The following AHNAK variants were observed in gnomAD, a reference collection of about 807,000 sequenced individuals.
AHNAK encodes AHNAK nucleoprotein, also known as neuroblast differentiation-associated protein AHNAK.
AHNAK carries 23 observed loss-of-function variants against 37.8 expected under a neutral mutation model. The observed-to-expected ratio is 0.61, with a 90% CI of 0.44 to 0.86. The LOEUF is 0.86. AHNAK is among the 40% of genes least tolerant of loss of function. The probability of loss-of-function intolerance (pLI) is 0.00; values close to 1 mark genes in which losing one functional copy is unlikely to be tolerated. For synonymous variants in AHNAK, 2,481 were observed against 2,636.3 expected, an observed-to-expected ratio of 0.94 and a Z score of 1.80; for missense variants, 7,411 against 7,319.4, an observed-to-expected ratio of 1.01 and a Z score of -0.46.
chr11:62,516,598 T>C lies in AHNAK; in HGVS notation c.*146A>G, dbSNP rs1590644199. 3 of 1,480,442 alleles carry C rather than the reference T, an allele frequency of 2.0e-6. No individual in the cohort carries two copies. Among genetic ancestry groups the C allele is most frequent in the Middle Eastern group, 2.2e-4 (1 of 4,516 alleles). 91.7% of individuals were successfully genotyped at this position (1,480,442 alleles called of 1,614,324 possible). A position where few individuals can be genotyped will look rare whatever the true frequency, so the allele number is the denominator to read the frequency against. ...CAGGAGCCTACAGGCGGTCGGTTTT[T>C]CAGCGCTTGCCACCGGGCCAGGCAA... On this transcript the variant is annotated 3_prime_UTR_variant, in exon 5 of 5. Transcript: ENST00000378024.
Position 62,454,938 on chromosome 11 carries a change from T to A in AHNAK, c.443-21047A>T, listed in dbSNP as rs796183887. ...TTTCTTTTTATTTATTTATTTTTTTTTTTTTTTTGAGATGGAGTTTTGCTC... is the reference window on the plus strand; with the variant it reads ...TTTCTTTTTATTTATTTATTTTTTTATTTTTTTTGAGATGGAGTTTTGCTC... On this transcript the variant is annotated intron_variant, in intron 5 of 5. Transcript: ENST00000257247. 1.3e-4 allele frequency among the ~76,000 whole-genome samples: 20 copies of A among 150,742 alleles called. 1 individual carries two copies. Among genetic ancestry groups the A allele is most frequent in the African/African-American group, 4.4e-4 (18 of 40,852 alleles).
chr11:62,461,466 T>C (rs570795007), intron 5 of AHNAK, among the ~76,000 whole-genome samples: 7 of 152,262 alleles, frequency 4.6e-5, no homozygotes, highest in Admixed American at 1.3e-4. Flanking sequence ...TTAAGTAAAT[T>C]AAGAAGAAAT....
chr11:62,459,154 C>T (rs753996444), intron 5 of AHNAK, among the ~76,000 whole-genome samples: 1 of 152,138 alleles, frequency 6.6e-6, no homozygotes, highest in Non-Finnish European at 1.5e-5. Flanking sequence ...AAGAGGGTCC[C>T]CAAAGCACTC....
In AHNAK at chr11:62,524,024, C is replaced by T; in HGVS notation, c.10393G>A (p.Val3465Ile). The part of the protein sequence containing the change: ...EVNLNAPDVD[V>I]HGPDWNLKMP... ...TTCAGATTCCAGTCTGGACCATGAA[C>T]ATCCACATCAGGTGCATTAAGATTG... The change falls in exon 5 of 5, where the codon GTT becomes ATT. Residue 3465 changes from valine (V) to isoleucine (I), a missense_variant. By Grantham distance (29) the Val-to-Ile change is conservative (BLOSUM62 3). Coordinates refer to ENST00000378024, the MANE Select transcript of AHNAK (RefSeq NM_001620.3). 1.2e-6 allele frequency: 2 copies of T among 1,614,098 alleles called. No individual in the cohort carries two copies. The highest frequency in any genetic ancestry group is 1.7e-6 in the Non-Finnish European group (2 of 1,180,008).
chr11:62,468,863 G>GAA, intron 5 of AHNAK, among the ~76,000 whole-genome samples: 1 of 152,272 alleles, frequency 6.6e-6, no homozygotes, highest in Non-Finnish European at 1.5e-5. Flanking sequence ...TTTGTTCTCT[G>GAA]TTTCTGCTTT....
intron 5 of AHNAK, among the ~76,000 whole-genome samples, chr11:62,438,490 A>G (rs1260904396): frequency 6.6e-6 from 1 of 151,582 alleles, no homozygotes; most frequent in African/African-American, 2.4e-5. Context: ...TCTTTTTCTC[A>G]TTTTTTTAAT....
chr11:62,497,488 A>G (rs1197062540), intron 4 of AHNAK, among the ~76,000 whole-genome samples: 1 of 152,230 alleles, frequency 6.6e-6, no homozygotes, highest in Admixed American at 6.5e-5. Context: ...ATACACAACC[A>G]TTCCTATCAA....
Position 62,449,478 on chromosome 11 carries a change from T to C in AHNAK, c.443-15587A>G, listed in dbSNP as rs1173868126. On this transcript the variant is annotated intron_variant, in intron 5 of 5. Transcript: ENST00000257247. ...GGATCAGGGTCACCCAGGCCTGAGC[T>C]GGAGAGGGGCCAGCGACCAAGAGAG... 7.9e-5 allele frequency among the ~76,000 whole-genome samples: 12 copies of C among 152,202 alleles called. 1 individual carries two copies. In the South Asian group the frequency reaches 2.1e-3, roughly 26 times the overall value.
chr11:62,437,650 C>A (rs112516030), intron 5 of AHNAK, among the ~76,000 whole-genome samples: 3 of 152,098 alleles, frequency 2.0e-5, no homozygotes, highest in African/African-American at 4.8e-5. Context: ...TGAACCACCA[C>A]GCCCAGCCCA....
rs139572473 is a variant in AHNAK at position 62,528,424 on chromosome 11, A to G, written c.5993T>C (p.Leu1998Pro). Residue 1998 changes from leucine to proline, a missense_variant, in exon 5 of 5, where the codon CTG becomes CCG. Leu to Pro is a moderately conservative substitution (Grantham distance 98). Transcript: ENST00000378024. ...ATCCCCTTTGACTTTGGGGCCTTTC[A>G]GGTGTAAGTCCACATCAGGCATGGA... ...KISMPDVDLH[L>P]KGPKVKGDMD... The G allele has an allele frequency of 1.9e-5, 31 of 1,613,336 alleles. No individual in the cohort carries two copies. Among genetic ancestry groups the G allele is most frequent in the Non-Finnish European group, 2.5e-5 (29 of 1,179,922 alleles).
intron 5 of AHNAK, among the ~76,000 whole-genome samples, chr11:62,483,455 G>A (rs932641561): frequency 6.6e-6 from 1 of 152,210 alleles, no homozygotes; most frequent in Non-Finnish European, 1.5e-5. Context: ...GGCCGGGCGC[G>A]GTGGCTCGCG....
rs1940348882 is a variant in AHNAK at position 62,523,490 on chromosome 11, G to GAACATCAACGTCTAC, written c.10912_10926dup (p.Val3638_Val3642dup). Reference sequence around the variant, plus strand: ...TCTGGACCTTCAATATTCACGTCTGGAACATCAACGTCTACATTGGGACCA... The same window carrying GAACATCAACGTCTAC: ...TCTGGACCTTCAATATTCACGTCTGGAACATCAACGTCTACAACATCAACGTCTACATTGGGACCA... On this transcript the variant is annotated inframe_insertion, in exon 5 of 5. Transcript: ENST00000378024. 6.2e-7 allele frequency: 1 copy of GAACATCAACGTCTAC among 1,613,754 alleles called. No homozygotes were observed.
chr11:62,510,081 G>A (rs572416701), intron 4 of AHNAK, among the ~76,000 whole-genome samples: 6 of 151,394 alleles, frequency 4.0e-5, no homozygotes, highest in African/African-American at 7.3e-5. Flanking sequence ...TGTTTGAGAC[G>A]GAGTCTCACT....
intron 5 of AHNAK, among the ~76,000 whole-genome samples, chr11:62,434,904 G>A (rs1475333697): frequency 7.6e-6 from 1 of 132,240 alleles, no homozygotes; most frequent in East Asian, 2.2e-4. Context: ...CTGCACTTCA[G>A]CCTGGACAAC....
In AHNAK at chr11:62,530,110, C is replaced by A. The variant is rs1940674696; in HGVS notation, c.4307G>T (p.Gly1436Val). 31 of 1,613,950 alleles carry A rather than the reference C, an allele frequency of 1.9e-5. No individual in the cohort carries two copies. Among genetic ancestry groups the A allele is most frequent in the Non-Finnish European group, 2.4e-5 (28 of 1,180,004 alleles). ...NIEGPDAKLKGPKFKMPEMSI... is the reference protein window; with the variant it reads ...NIEGPDAKLKVPKFKMPEMSI... ...CATTTCTGGCATCTTGAATTTGGGA[C>A]CTTTTAGTTTTGCGTCTGGACCTTC... Residue 1436 changes from glycine (G) to valine (V), a missense_variant, in exon 5 of 5, where the codon GGT becomes GTT. Coordinates refer to ENST00000378024, the MANE Select transcript of AHNAK (RefSeq NM_001620.3).
In AHNAK at chr11:62,533,656, C is replaced by T. The variant is rs1940846264; in HGVS notation, c.761G>A (p.Gly254Glu). 1 of 1,614,028 alleles carries T rather than the reference C, an allele frequency of 6.2e-7. No homozygotes were observed. The highest frequency in any genetic ancestry group is 1.3e-5 in the African/African-American group (1 of 74,902). ...LQVTMPGIKV[G>E]GSGVNVNAKG... ...TGCATTGACATTGACACCTGAGCCT[C>T]CCACCTTTATCCCAGGCATGGTGAC... The change falls in exon 5 of 5, where the codon GGA (glycine) becomes GAA (glutamate). Residue 254 changes from glycine (G) to glutamate (E), a missense_variant. Gly to Glu is a moderately conservative substitution (Grantham distance 98, BLOSUM62 -2). Coordinates refer to ENST00000378024, the MANE Select transcript of AHNAK (RefSeq NM_001620.3).
intron 1 of AHNAK, among the ~76,000 whole-genome samples, 158 bp from the exon 2 acceptor site, chr11:62,536,725 C>T (rs773775804): frequency 1.3e-5 from 2 of 152,232 alleles, no homozygotes; most frequent in Admixed American, 6.5e-5. Context: ...CTCTCCAGCC[C>T]GGCATAGCAG....
chr11:62,487,607 C>A (rs1939419429), intron 5 of AHNAK, among the ~76,000 whole-genome samples: 1 of 152,220 alleles, frequency 6.6e-6, no homozygotes, highest in Non-Finnish European at 1.5e-5. Context: ...AGCGATTCAC[C>A]TGCCTCAACC....
At chr11:62,433,583 T>C in exon 6 of AHNAK, 1 of 464,482 alleles carries the variant, frequency 2.2e-6, no homozygotes, top group South Asian at 4.0e-5. Context: ...GAGCGAAGGA[T>C]AATCACCTGA....
Sources: gnomAD v4.1 joint callset for allele counts (sites outside exome capture counted in the v4.1 genomes callset) on GRCh38, gnomAD v4.1.1 for gene constraint, MANE v1.5 for transcripts, NCBI Gene and HGNC (gene_info 2026-07-23, HGNC 2026-07-21) for gene names.